The following LRR1 variants were observed in gnomAD, a reference collection of about 807,000 sequenced individuals.
The protein encoded by LRR1 is leucine rich repeat protein 1, also known as leucine-rich repeat protein 1.
LRR1 carries 29 observed loss-of-function variants against 31.6 expected under a neutral mutation model. The ratio of observed to expected loss-of-function variants is 0.92; its 90% CI spans 0.68 to 1.25. The LOEUF (loss-of-function observed/expected upper bound fraction) is 1.25, where lower values mean the gene tolerates loss of function less well. Among genes scored for constraint, LRR1 ranks in the 50% most tolerant of loss-of-function variants. The pLI, the probability that LRR1 is intolerant of heterozygous loss-of-function variation, is 0.00. For missense variants in LRR1, 485 were observed against 487.2 expected (o/e 1.00, Z 0.04); for synonymous variants, 179 against 181.4 (o/e 0.99, Z 0.10).
chr14:49,608,389 C>G (rs984919805), intron 3 of LRR1, among the ~76,000 whole-genome samples: 1 of 121,116 alleles, frequency 8.3e-6, no homozygotes, highest in African/African-American at 3.4e-5. Context: ...TTATTCCTTC[C>G]CTCCTTACAT....
At chr14:49,601,516 T>C (rs1049266874) in intron 1 of LRR1, 1 of 826,562 alleles carries the variant, frequency 1.2e-6, no homozygotes. Flanking sequence ...TTTTGAGCAC[T>C]CATTATGTGT....
intron 2 of LRR1, among the ~76,000 whole-genome samples, chr14:49,603,795 G>T (rs1373633375): frequency 2.1e-4 from 30 of 143,320 alleles, no homozygotes; most frequent in Non-Finnish European, 4.4e-4. Context: ...CCGGGTTCAA[G>T]CGATTCTCCT....
intron 1 of LRR1, chr14:49,601,762 A>G: frequency 2.0e-6 from 2 of 990,466 alleles, no homozygotes; most frequent in Non-Finnish European, 2.8e-6. Context: ...TACTGGACAG[A>G]CAGAGCAGTA....
At position 49,614,595 on chromosome 14, in the gene LRR1, C is replaced by T. The variant is rs775998925; in HGVS notation, c.*99C>T. The T allele has an allele frequency of 3.4e-6, 5 of 1,485,494 alleles. No homozygotes were observed. The highest frequency in any genetic ancestry group is 4.7e-6 in the Non-Finnish European group (5 of 1,072,396). The allele number at this position is 1,485,494 out of a possible 1,614,324, so 92.0% of individuals were successfully genotyped here. On this transcript the variant is annotated 3_prime_UTR_variant, in exon 4 of 4. Transcript: ENST00000298288. ...TGGAGTAAGGGAAGATTTCTGTATA[C>T]TTGCTGGAGAGGAGGAATGTGTATA...
At position 49,600,196 on chromosome 14, in the gene LRR1, A is replaced by G. The variant is rs1881999237; in HGVS notation, c.183+993A>G. 3.4e-6 allele frequency: 5 copies of G among 1,477,228 alleles called. No individual in the cohort carries two copies. In the South Asian group the frequency reaches 5.7e-5, roughly 17 times the overall value. The allele number at this position is 1,477,228 out of a possible 1,614,324, so 91.5% of individuals were successfully genotyped here. A position where few individuals can be genotyped will look rare whatever the true frequency, so the allele number is the denominator to read the frequency against. ...GGACTCTATAACACCGCCGGACAGGAAGACTATGACCATCTGAGGCCTTTA... is the reference window on the plus strand; with the variant it reads ...GGACTCTATAACACCGCCGGACAGGGAGACTATGACCATCTGAGGCCTTTA... On this transcript the variant is annotated intron_variant, in intron 1 of 3. Transcript: ENST00000298288.
At chr14:49,599,350 C>G in intron 1 of LRR1, 147 bp downstream of exon 1, 1 of 865,766 alleles carries the variant, frequency 1.2e-6, no homozygotes, top group South Asian at 1.9e-5. Flanking sequence ...GACCTACCAT[C>G]AGCCCGACCC....
chr14:49,599,952 C>T lies in LRR1; in HGVS notation c.183+749C>T, dbSNP rs868813193. The T allele has an allele frequency of 7.5e-5, 113 of 1,508,750 alleles. No individual in the cohort carries two copies. In the African/African-American group the frequency reaches 1.4e-3, roughly 19 times the overall value. The allele number at this position is 1,508,750 out of a possible 1,614,324, so 93.5% of individuals were successfully genotyped here. ...GCTGAGCCCGGGGCCGGGGCGGGGGCTCCGGGGGGACCATGCCCGGAGGCC... is the reference window on the plus strand; with the variant it reads ...GCTGAGCCCGGGGCCGGGGCGGGGGTTCCGGGGGGACCATGCCCGGAGGCC... On this transcript the variant is annotated intron_variant, in intron 1 of 3. Coordinates refer to ENST00000298288, the MANE Select transcript of LRR1 (RefSeq NM_152329.4).
chr14:49,608,802 C>T (rs1777549073), intron 3 of LRR1, among the ~76,000 whole-genome samples: 1 of 151,034 alleles, frequency 6.6e-6, no homozygotes, highest in Admixed American at 6.6e-5. Context: ...TTTTGATGTA[C>T]TCTAAAATTA....
chr14:49,599,949 G>T, intron 1 of LRR1: 1 of 1,486,594 alleles, frequency 6.7e-7, no homozygotes, highest in South Asian at 1.3e-5. Flanking sequence ...GCCGGGGCGG[G>T]GGCTCCGGGG....
chr14:49,609,138 C>T (rs1457821515), intron 3 of LRR1, among the ~76,000 whole-genome samples: 14 of 148,362 alleles, frequency 9.4e-5, no homozygotes, highest in Admixed American at 7.5e-4. Context: ...AGGATGGTCT[C>T]GATCTCCTGA....
In LRR1 at chr14:49,611,479, C is replaced by T. The variant is rs150139748; in HGVS notation, c.1005-2777C>T. On this transcript the variant is annotated intron_variant, in intron 3 of 3. Transcript: ENST00000298288. ...GTGCAGATTGAGACTCCGTCTCAAT[C>T]AGTCAATCAGTTAATTAAATAAAAT... 5.6e-3 allele frequency among the ~76,000 whole-genome samples: 851 copies of T among 152,124 alleles called. 12 individuals are homozygous for T. The highest frequency in any genetic ancestry group is 0.02 in the African/African-American group (814 of 41,520).
Position 49,614,441 on chromosome 14 carries a change from T to G in LRR1, c.1190T>G (p.Ile397Ser). Residue 397 changes from isoleucine to serine, a missense_variant, in exon 4 of 4, where the codon ATC becomes AGC. Ile to Ser is a moderately radical substitution (Grantham distance 142). Coordinates refer to ENST00000298288, the MANE Select transcript of LRR1 (RefSeq NM_152329.4). ...DNLGGTEAPIISYFCSLGCYV... is the reference protein window; with the variant it reads ...DNLGGTEAPISSYFCSLGCYV... ...TTGGGTGGTACTGAAGCACCTATTA[T>G]CTCTTATTTCTGTTCTCTAGGCTGT... 6.2e-7 allele frequency: 1 copy of G among 1,614,024 alleles called. No individual in the cohort carries two copies. The highest frequency in any genetic ancestry group is 1.1e-5 in the South Asian group (1 of 91,086).
chr14:49,612,037 T>C (rs1405851372), intron 3 of LRR1, among the ~76,000 whole-genome samples: 1 of 152,220 alleles, frequency 6.6e-6, no homozygotes, highest in East Asian at 1.9e-4. Context: ...ATAACAAGTT[T>C]GGCTAAATGA....
At chr14:49,600,438 C>T in intron 1 of LRR1, 6 of 1,598,784 alleles carry the variant, frequency 3.8e-6, no homozygotes, top group South Asian at 1.1e-5. Flanking sequence ...GGAACAAGGA[C>T]AGAAACTAGC....
chr14:49,601,832 A>G (rs982919750), intron 1 of LRR1, among the ~76,000 whole-genome samples: 1 of 151,846 alleles, frequency 6.6e-6, no homozygotes, highest in Non-Finnish European at 1.5e-5. Context: ...AAAAAAAAAA[A>G]AAAAAAACTT....
rs867623420 is a variant in LRR1 at position 49,603,746 on chromosome 14, T to A, written c.282+1278T>A. On this transcript the variant is annotated intron_variant, in intron 2 of 3. Transcript: ENST00000298288. ...TCTCTCCCTGTCACCCAGGCTGGAT[T>A]ACAGTGGCGTGATCTCAGCTCACTG... 131 of 948,558 alleles carry A rather than the reference T, an allele frequency of 1.4e-4. No homozygotes were observed. In the Middle Eastern group the frequency reaches 6.1e-3, roughly 44 times the overall value. 58.8% of individuals were successfully genotyped at this position (948,558 alleles called of 1,614,324 possible).
intron 1 of LRR1, chr14:49,600,930 A>G (rs1402908923): frequency 6.6e-7 from 1 of 1,521,952 alleles, no homozygotes; most frequent in Non-Finnish European, 8.8e-7. Context: ...TGTAGATGGA[A>G]CTGCTTGGCT....
chr14:49,609,781 A>G (rs34495950), intron 3 of LRR1, among the ~76,000 whole-genome samples: 34,027 of 151,454 alleles, frequency 0.22, 4,115 homozygotes, highest in Admixed American at 0.3. Context: ...TCTCGGCTCA[A>G]CTATAACCTC....
Position 49,614,530 on chromosome 14 carries a change from G to C in LRR1, c.*34G>C, listed in dbSNP as rs770932271. The C allele has an allele frequency of 1.5e-5, 24 of 1,612,058 alleles. No individual in the cohort carries two copies. Among genetic ancestry groups the C allele is most frequent in the South Asian group, 7.7e-5 (7 of 90,628 alleles). On this transcript the variant is annotated 3_prime_UTR_variant, in exon 4 of 4. Coordinates refer to ENST00000298288, the MANE Select transcript of LRR1 (RefSeq NM_152329.4). ...ACCAGAAAAAGAAATTTCAATAACA[G>C]ATCAGTTTGGGGTGCATGTATGATT...
Sources: allele counts gnomAD v4.1 joint callset (sites outside exome capture counted in the v4.1 genomes callset), GRCh38; gene constraint gnomAD v4.1.1; transcripts MANE v1.5; gene names NCBI Gene and HGNC (gene_info 2026-07-23, HGNC 2026-07-21).